The following ZNF385D variants were observed in gnomAD, a reference collection of about 807,000 sequenced individuals.
ZNF385D encodes the protein zinc finger protein 659.
In ZNF385D, 15 loss-of-function variants were observed where a neutral mutation model predicts 35.8. The observed-to-expected ratio is 0.42, with a 90% CI of 0.28 to 0.64. The LOEUF (loss-of-function observed/expected upper bound fraction) is 0.64, where lower values mean the gene tolerates loss of function less well. Ranked by LOEUF, ZNF385D falls within the 30% of genes least tolerant of loss-of-function variation. ZNF385D has a pLI of 0.23. For synonymous variants in ZNF385D, 212 were observed against 186.8 expected (o/e 1.13, Z -1.10); for missense variants, 474 against 494.6 (o/e 0.96, Z 0.39).
intron 1 of ZNF385D, among the ~76,000 whole-genome samples, chr3:21,711,637 C>T (rs1331677643): frequency 6.6e-6 from 1 of 152,196 alleles, no homozygotes; most frequent in Admixed American, 6.5e-5. Flanking sequence ...CAAAAACACT[C>T]ACTCATTCTG....
chr3:21,856,456 T>G lies in ZNF385D; in HGVS notation c.326-191428A>C, dbSNP rs149406773. On this transcript the variant is annotated intron_variant, in intron 3 of 5. Transcript: ENST00000494108. The stretch of plus-strand genomic sequence containing the variant: ...TAGGGCGTCTCCATTTTAATATCAA[T>G]AAACACTTCAAAATTAACATGTAAA... Among the ~76,000 whole-genome samples, 504 of 152,204 alleles carry G rather than the reference T, an allele frequency of 3.3e-3. 4 individuals are homozygous for G. Among genetic ancestry groups the G allele is most frequent in the African/African-American group, 0.012 (479 of 41,552 alleles).
intron 4 of ZNF385D, 143 bp downstream of exon 4, chr3:21,510,718 G>A (rs1707138880): frequency 2.7e-6 from 3 of 1,111,082 alleles, no homozygotes; most frequent in South Asian, 3.5e-5. Flanking sequence ...AAAATGAGAG[G>A]AAACAATTAC....
At position 21,851,483 on chromosome 3, in the gene ZNF385D, C is replaced by A. The variant is rs181028870; in HGVS notation, c.326-186455G>T. 1.5e-3 allele frequency among the ~76,000 whole-genome samples: 231 copies of A among 152,022 alleles called. 4 individuals carry two copies. The highest frequency in any genetic ancestry group is 4.6e-4 in the Non-Finnish European group (31 of 67,936). ...AACTTGTACATGAATGTTCACAGAACCTTTATTTAAAATACTAAAAACTAA... is the reference window on the plus strand; with the variant it reads ...AACTTGTACATGAATGTTCACAGAAACTTTATTTAAAATACTAAAAACTAA... On this transcript the variant is annotated intron_variant, in intron 3 of 5. Coordinates refer to the ZNF385D transcript ENST00000494108.
chr3:21,694,712 A>G (rs1463133359), intron 1 of ZNF385D, among the ~76,000 whole-genome samples: 1 of 152,204 alleles, frequency 6.6e-6, no homozygotes, highest in Non-Finnish European at 1.5e-5. Flanking sequence ...AACATGTGAC[A>G]GTGATTAAGC....
chr3:22,124,841 A>T (rs1703334801), intron 3 of ZNF385D, among the ~76,000 whole-genome samples: 1 of 152,116 alleles, frequency 6.6e-6, no homozygotes, highest in Non-Finnish European at 1.5e-5. Flanking sequence ...GATAGTTTGC[A>T]AATAATTGTT....
At chr3:22,190,688 A>C (rs1695959644) in intron 2 of ZNF385D, among the ~76,000 whole-genome samples, 1 of 152,196 alleles carries the variant, frequency 6.6e-6, no homozygotes, top group Non-Finnish European at 1.5e-5. Context: ...CCCTATGAAT[A>C]ACCTTATTTC....
intron 3 of ZNF385D, among the ~76,000 whole-genome samples, chr3:21,982,881 G>A (rs943538862): frequency 3.3e-5 from 5 of 151,504 alleles, no homozygotes; most frequent in African/African-American, 1.2e-4. Context: ...CTGTTTTTGT[G>A]ATGAATCACA....
chr3:21,648,527 G>T (rs1186402929), intron 2 of ZNF385D, among the ~76,000 whole-genome samples: 1 of 152,062 alleles, frequency 6.6e-6, no homozygotes, highest in Non-Finnish European at 1.5e-5. Flanking sequence ...AAATCAAGAG[G>T]GGAAGAAAGA....
At chr3:22,031,037 AT>A (rs1156495578) in intron 3 of ZNF385D, among the ~76,000 whole-genome samples, 3 of 152,218 alleles carry the variant, frequency 2.0e-5, no homozygotes, top group Non-Finnish European at 4.4e-5. Context: ...TATGTCTCAT[AT>A]CCAGGACATC....
At position 21,829,996 on chromosome 3, in the gene ZNF385D, C is replaced by T. The variant is rs761218390; in HGVS notation, c.326-164968G>A. On this transcript the variant is annotated intron_variant, in intron 3 of 5. Coordinates refer to the ZNF385D transcript ENST00000494108. ...AAAATTAGCTGTGCCTGATGGCAGG[C>T]GCCTTTAATCCCAGCTGCTCGGGAG... Among the ~76,000 whole-genome samples the T allele has an allele frequency of 5.3e-5, 8 of 151,826 alleles. No homozygotes were observed. In the South Asian group the frequency reaches 8.3e-4, roughly 16 times the overall value.
chr3:21,795,818 C>T (rs1458402875), intron 3 of ZNF385D, among the ~76,000 whole-genome samples: 1 of 152,154 alleles, frequency 6.6e-6, no homozygotes, highest in Admixed American at 6.5e-5. Flanking sequence ...TATCAAATAG[C>T]ACAGAAGAAG....
chr3:22,103,644 C>T (rs1026095915), intron 3 of ZNF385D, among the ~76,000 whole-genome samples: 1 of 149,298 alleles, frequency 6.7e-6, no homozygotes, highest in African/African-American at 2.4e-5. Context: ...TCCTATTTTG[C>T]AACTCAATGA....
At chr3:21,811,079 G>A (rs150963229) in intron 3 of ZNF385D, among the ~76,000 whole-genome samples, 2,953 of 151,012 alleles carry the variant, frequency 0.02, 48 homozygotes, top group Non-Finnish European at 0.029. Context: ...GAAATATAAA[G>A]AAAAGAGATA....
chr3:22,338,630 C>A (rs1235241518), intron 2 of ZNF385D, among the ~76,000 whole-genome samples: 1 of 149,822 alleles, frequency 6.7e-6, no homozygotes, highest in African/African-American at 2.5e-5. Flanking sequence ...CAGAATGTAA[C>A]AAGATTTTTA....
At chr3:21,965,017 T>C (rs1702831128) in intron 3 of ZNF385D, among the ~76,000 whole-genome samples, 1 of 152,276 alleles carries the variant, frequency 6.6e-6, no homozygotes, top group South Asian at 2.1e-4. Context: ...ATCTTAATAA[T>C]TGGCAGCATA....
intron 3 of ZNF385D, among the ~76,000 whole-genome samples, chr3:22,073,673 T>C (rs1259059036): frequency 6.6e-6 from 1 of 151,834 alleles, no homozygotes; most frequent in African/African-American, 2.4e-5. Flanking sequence ...GTACCAGCTA[T>C]CCTATCTTAC....
chr3:21,926,867 T>C (rs1221173473), intron 3 of ZNF385D, among the ~76,000 whole-genome samples: 1 of 152,148 alleles, frequency 6.6e-6, no homozygotes, highest in Non-Finnish European at 1.5e-5. Flanking sequence ...AAAGGCAATC[T>C]ACAGAATGGG....
chr3:22,261,381 G>A (rs1169170553), intron 2 of ZNF385D, among the ~76,000 whole-genome samples: 1 of 152,148 alleles, frequency 6.6e-6, no homozygotes, highest in South Asian at 2.1e-4. Flanking sequence ...CATTAGGATT[G>A]AGAAGAGGTT....
intron 3 of ZNF385D, among the ~76,000 whole-genome samples, chr3:22,049,219 C>A (rs896838082): frequency 2.0e-5 from 3 of 151,772 alleles, no homozygotes; most frequent in Admixed American, 6.6e-5. Context: ...TCGCTTGAAC[C>A]TGGGAGGCAG....
Sources: allele counts gnomAD v4.1 joint callset (sites outside exome capture counted in the v4.1 genomes callset), GRCh38; gene constraint gnomAD v4.1.1; transcripts MANE v1.5; gene names NCBI Gene and HGNC (gene_info 2026-07-23, HGNC 2026-07-21).